SPAG16: variants seen among roughly 807,000 people sequenced by gnomAD.
SPAG16 encodes sperm associated antigen 16.
SPAG16 carries 86 observed loss-of-function variants against 80.4 expected under a neutral mutation model. The observed-to-expected ratio is 1.07, with a 90% CI of 0.90 to 1.28. The LOEUF is 1.28. Ranked by LOEUF, SPAG16 falls within the 50% of genes most tolerant of loss-of-function variation. The pLI is 0.00. For synonymous variants in SPAG16, 294 were observed against 265.9 expected, an observed-to-expected ratio of 1.11 and a Z score of -1.03; for missense variants, 870 against 765.3, an observed-to-expected ratio of 1.14 and a Z score of -1.61.
chr2:214,103,367 C>A (rs1240540841), intron 13 of SPAG16, among the ~76,000 whole-genome samples: 2 of 152,202 alleles, frequency 1.3e-5, no homozygotes, highest in African/African-American at 4.8e-5. Flanking sequence ...CTGCATTTCA[C>A]TGAGCAGAAC....
intron 10 of SPAG16, among the ~76,000 whole-genome samples, chr2:213,656,439 G>T (rs956405837): frequency 2.6e-5 from 4 of 152,196 alleles, no homozygotes; most frequent in African/African-American, 7.2e-5. Flanking sequence ...GATTACAGGC[G>T]TGAGCCACCG....
intron 7 of SPAG16, 121 bp downstream of exon 7, chr2:213,350,766 T>G: frequency 1.7e-6 from 1 of 584,552 alleles, no homozygotes; most frequent in Non-Finnish European, 2.9e-6. Context: ...AACTTTCATG[T>G]AAAAGAGATC....
At chr2:213,631,446 G>T (rs141551941) in intron 10 of SPAG16, among the ~76,000 whole-genome samples, 9,018 of 152,054 alleles carry the variant, frequency 0.059, 867 homozygotes, top group African/African-American at 0.2. Context: ...ATATGGTTTG[G>T]CTCTGTGTCC....
intron 12 of SPAG16, among the ~76,000 whole-genome samples, chr2:213,944,878 A>G (rs1051408032): frequency 6.6e-6 from 1 of 152,140 alleles, no homozygotes; most frequent in Non-Finnish European, 1.5e-5. Flanking sequence ...TACTAAAAAT[A>G]CAAAAATAAA....
chr2:214,335,909 C>G (rs1697260614), intron 15 of SPAG16, among the ~76,000 whole-genome samples: 1 of 151,920 alleles, frequency 6.6e-6, no homozygotes, highest in Non-Finnish European at 1.5e-5. Flanking sequence ...CAGGTACCCA[C>G]CACCACACCC....
intron 12 of SPAG16, among the ~76,000 whole-genome samples, chr2:213,979,669 C>A (rs2045596283): frequency 6.6e-6 from 1 of 152,102 alleles, no homozygotes; most frequent in South Asian, 2.1e-4. Context: ...TGGTCCCTCC[C>A]TTGACACGTG....
Position 214,014,036 on chromosome 2 carries a change from A to C in SPAG16, c.1486A>C (p.Ser496Arg), listed in dbSNP as rs778822581. ...TCCTTTCTCCAATACTCTTCTCACA[A>C]GCTCTGCAGACAAGACCCTGTCTAT... The part of the protein sequence containing the change: ...FFPFSNTLLT[S>R]SADKTLSIWD... Residue 496 changes from serine (S) to arginine (R), a missense_variant, in exon 13 of 16, where the codon AGC (serine) becomes CGC (arginine). Physicochemically the swap from Ser to Arg is moderately radical, Grantham distance 110. Coordinates refer to ENST00000331683, the MANE Select transcript of SPAG16 (RefSeq NM_024532.5). 1 of 1,613,570 alleles carries C rather than the reference A, an allele frequency of 6.2e-7. No individual in the cohort carries two copies. Among genetic ancestry groups the C allele is most frequent in the Non-Finnish European group, 8.5e-7 (1 of 1,179,762 alleles).
intron 14 of SPAG16, among the ~76,000 whole-genome samples, chr2:214,138,847 T>TA: frequency 6.6e-6 from 1 of 152,140 alleles, no homozygotes; most frequent in Non-Finnish European, 1.5e-5. Context: ...TCCTACCCCT[T>TA]AAATAATGAC....
At chr2:213,621,624 A>T (rs2061789696) in intron 10 of SPAG16, among the ~76,000 whole-genome samples, 1 of 152,226 alleles carries the variant, frequency 6.6e-6, no homozygotes, top group South Asian at 2.1e-4. Flanking sequence ...GGGAGAATTA[A>T]TTGTGTATGG....
At chr2:214,383,483 A>G (rs375777268) in intron 15 of SPAG16, among the ~76,000 whole-genome samples, 2 of 151,858 alleles carry the variant, frequency 1.3e-5, no homozygotes, top group East Asian at 3.9e-4. Context: ...AGGCATGCCA[A>G]TCGCTGGAGC....
intron 12 of SPAG16, among the ~76,000 whole-genome samples, chr2:213,982,610 G>GGTGTGTGTGTGTGTGTGTGTGTGT (rs57529616): frequency 2.1e-5 from 3 of 141,858 alleles, no homozygotes; most frequent in African/African-American, 7.8e-5. Context: ...TATAGTTTCT[G>GGTGTGTGTGTGTGTGTGTGTGTGT]GTGTGTGTGT....
intron 10 of SPAG16, among the ~76,000 whole-genome samples, chr2:213,643,065 G>GTATA (rs60295641): frequency 1.9e-4 from 27 of 144,974 alleles, no homozygotes; most frequent in African/African-American, 6.6e-4. Flanking sequence ...GTGTGTGTGT[G>GTATA]TATATATATA....
chr2:213,393,737 C>T (rs932948852), intron 9 of SPAG16, among the ~76,000 whole-genome samples: 8 of 151,782 alleles, frequency 5.3e-5, no homozygotes, highest in African/African-American at 1.7e-4. Flanking sequence ...ACAGAGAGCT[C>T]CTACTACTCT....
intron 14 of SPAG16, among the ~76,000 whole-genome samples, chr2:214,125,663 T>TG: frequency 6.6e-6 from 1 of 151,810 alleles, no homozygotes; most frequent in East Asian, 1.9e-4. Context: ...TTATAGATTT[T>TG]GGATATTTTA....
At chr2:214,293,539 C>T (rs920479735) in intron 15 of SPAG16, among the ~76,000 whole-genome samples, 8 of 152,298 alleles carry the variant, frequency 5.3e-5, no homozygotes, top group African/African-American at 1.9e-4. Context: ...TGTTCAGGCA[C>T]TACGTATGAT....
intron 15 of SPAG16, among the ~76,000 whole-genome samples, chr2:214,360,601 C>T (rs555836663): frequency 1.9e-3 from 286 of 151,968 alleles, no homozygotes; most frequent in Middle Eastern, 6.8e-3. Context: ...CTTAATTAGT[C>T]CACTAGGGCC....
intron 10 of SPAG16, 49 bp downstream of exon 10, chr2:213,490,139 T>A (rs761611298): frequency 1.3e-6 from 2 of 1,510,774 alleles, no homozygotes; most frequent in African/African-American, 2.8e-5. Flanking sequence ...TATTTTCATG[T>A]CAAAATTTTA....
chr2:213,734,288 A>C (rs1411813325), intron 10 of SPAG16, among the ~76,000 whole-genome samples: 1 of 152,186 alleles, frequency 6.6e-6, no homozygotes. Context: ...CACAATTCTA[A>C]CATCTTAAAT....
chr2:213,662,242 T>G (rs1284210975), intron 10 of SPAG16, among the ~76,000 whole-genome samples: 5 of 152,218 alleles, frequency 3.3e-5, no homozygotes, highest in Non-Finnish European at 7.4e-5. Flanking sequence ...ATCTGAAGTA[T>G]GAGTAGCAGA....
Sources: allele counts gnomAD v4.1 joint callset (sites outside exome capture counted in the v4.1 genomes callset), GRCh38; gene constraint gnomAD v4.1.1; transcripts MANE v1.5; gene names NCBI Gene and HGNC (gene_info 2026-07-23, HGNC 2026-07-21).